Variants in KDM4D observed in about 807,000 individuals in gnomAD.
KDM4D encodes the protein lysine-specific demethylase 4D.
For missense variants in KDM4D, 427 were observed against 674.8 expected (o/e 0.63, Z 4.07); for synonymous variants, 254 against 249.1 (o/e 1.02, Z -0.19).
chr11:94,998,395 C>T lies in KDM4D; in HGVS notation c.1023C>T (p.Asp341=). The part of the protein sequence containing the change: ...ERYDLWKRGQ[D]RAVVDHMEPR... ...ATGACCTGTGGAAACGTGGGCAAGACCGGGCAGTTGTGGACCACATGGAGC... is the reference window on the plus strand; with the variant it reads ...ATGACCTGTGGAAACGTGGGCAAGATCGGGCAGTTGTGGACCACATGGAGC... The change falls in exon 3 of 3, where the codon GAC becomes GAT. Residue 341 remains aspartate, a synonymous_variant. Transcript: ENST00000335080. The surrounding 1 kb of genome is among the most constrained non-coding windows in gnomAD (Gnocchi z 6.7). 1.2e-6 allele frequency: 2 copies of T among 1,614,124 alleles called. No homozygotes were observed. The highest frequency in any genetic ancestry group is 1.7e-6 in the Non-Finnish European group (2 of 1,180,046).
chr11:94,983,514 G>A (rs1555097799), intron 2 of KDM4D, among the ~76,000 whole-genome samples: 1 of 152,074 alleles, frequency 6.6e-6, no homozygotes, highest in African/African-American at 2.4e-5. Flanking sequence ...TGGAGGTGGT[G>A]TGCTGAGATA....
chr11:94,994,333 G>A (rs1857959388), intron 2 of KDM4D, among the ~76,000 whole-genome samples: 1 of 152,156 alleles, frequency 6.6e-6, no homozygotes, highest in South Asian at 2.1e-4. Context: ...GGCTCACTGG[G>A]CCATCTAAGT....
Position 94,997,665 on chromosome 11 carries a change from T to G in KDM4D, c.293T>G (p.Val98Gly). Residue 98 changes from valine (V) to glycine (G), a missense_variant, in exon 3 of 3, where the codon GTG becomes GGG. Coordinates refer to ENST00000335080, the MANE Select transcript of KDM4D (RefSeq NM_018039.3). ...QYHKKKKAMT[V>G]GEYRHLANSK... ...CATAAAAAAAAGAAAGCCATGACTG[T>G]GGGGGAGTATCGCCATTTGGCAAAC... 2 of 1,614,166 alleles carry G rather than the reference T, an allele frequency of 1.2e-6. No individual in the cohort carries two copies. Among genetic ancestry groups the G allele is most frequent in the Non-Finnish European group, 1.7e-6 (2 of 1,180,030 alleles).
intron 2 of KDM4D, among the ~76,000 whole-genome samples, chr11:94,975,984 T>C (rs1490525257): frequency 6.6e-6 from 1 of 152,200 alleles, no homozygotes; most frequent in Non-Finnish European, 1.5e-5. Context: ...AACACCAATA[T>C]ACAATATAGT....
At position 94,977,581 on chromosome 11, in the gene KDM4D, T is replaced by C. The variant is rs587622276; in HGVS notation, c.-350+1833T>C. ...GAACCTTGGGCATCTCTACTTAAAA[T>C]TGCAACTGTTCTCCCTCTCTGTCCC... On this transcript the variant is annotated intron_variant, in intron 2 of 2. Coordinates refer to ENST00000335080, the MANE Select transcript of KDM4D (RefSeq NM_018039.3). 5.3e-5 allele frequency among the ~76,000 whole-genome samples: 8 copies of C among 152,256 alleles called. No individual in the cohort carries two copies. The South Asian group carries it at 1.0e-3, about 20-fold the overall frequency.
chr11:94,977,897 C>G (rs183165570), intron 2 of KDM4D, among the ~76,000 whole-genome samples: 4 of 151,934 alleles, frequency 2.6e-5, no homozygotes, highest in Admixed American at 2.0e-4. Context: ...AATGAATGGA[C>G]GAATGAAAGA....
At chr11:94,982,291 A>C (rs1220738190) in intron 2 of KDM4D, among the ~76,000 whole-genome samples, 1 of 151,928 alleles carries the variant, frequency 6.6e-6, no homozygotes, top group Non-Finnish European at 1.5e-5. Flanking sequence ...AGCTCGGCAG[A>C]ACTGAATTTT....
chr11:94,975,206 A>G (rs1857786974), intron 1 of KDM4D, among the ~76,000 whole-genome samples: 1 of 152,212 alleles, frequency 6.6e-6, no homozygotes, highest in Admixed American at 6.5e-5. Context: ...CTCAGGTATC[A>G]CAGTGAGGTT....
chr11:94,993,603 G>A (rs182083277), intron 2 of KDM4D, among the ~76,000 whole-genome samples: 12 of 151,260 alleles, frequency 7.9e-5, no homozygotes, highest in African/African-American at 2.9e-4. Flanking sequence ...TGTATAAGGA[G>A]ACATTGCATC....
At chr11:94,983,517 CTGAGA>C (rs1180792362) in intron 2 of KDM4D, among the ~76,000 whole-genome samples, 9 of 152,104 alleles carry the variant, frequency 5.9e-5, no homozygotes, top group Admixed American at 4.6e-4. Context: ...AGGTGGTGTG[CTGAGA>C]TAAGTTATTT....
chr11:94,974,853 T>A (rs1390839188), intron 1 of KDM4D, among the ~76,000 whole-genome samples: 2 of 152,224 alleles, frequency 1.3e-5, no homozygotes, highest in Non-Finnish European at 2.9e-5. Context: ...CTATTATATC[T>A]TCCTGCGTCA....
chr11:94,997,663 T>C lies in KDM4D; in HGVS notation c.291T>C (p.Thr97=), dbSNP rs587740933. The C allele has an allele frequency of 8.1e-6, 13 of 1,614,242 alleles. No homozygotes were observed. In the East Asian group the frequency reaches 2.0e-4, roughly 25 times the overall value. The part of the protein sequence containing the change: ...TQYHKKKKAM[T]VGEYRHLANS... ...ACCATAAAAAAAAGAAAGCCATGAC[T>C]GTGGGGGAGTATCGCCATTTGGCAA... Residue 97 remains threonine (T), a synonymous_variant, in exon 3 of 3, where the codon ACT becomes ACC. Transcript: ENST00000335080.
At position 94,998,161 on chromosome 11, in the gene KDM4D, C is replaced by A. The variant is rs782242076; in HGVS notation, c.789C>A (p.Arg263=). Residue 263 remains arginine, a synonymous_variant, in exon 3 of 3, where the codon CGC becomes CGA. Coordinates refer to ENST00000335080, the MANE Select transcript of KDM4D (RefSeq NM_018039.3). The surrounding 1 kb of genome is among the most constrained non-coding windows in gnomAD (Gnocchi z 6.7). ...VLKENGIPFN[R]ITQEAGEFMV... is the part of the protein sequence containing the mutation. Reference sequence around the variant, plus strand: ...AGGAAAATGGGATTCCCTTCAATCGCATAACTCAGGAGGCTGGAGAGTTCA... The same window carrying A: ...AGGAAAATGGGATTCCCTTCAATCGAATAACTCAGGAGGCTGGAGAGTTCA... 6.2e-7 allele frequency: 1 copy of A among 1,614,190 alleles called. No homozygotes were observed. The highest frequency in any genetic ancestry group is 1.3e-5 in the African/African-American group (1 of 75,038).
At position 94,998,887 on chromosome 11, in the gene KDM4D, C is replaced by T; in HGVS notation, c.1515C>T (p.Ser505=). ...TGATGGACAAGCCTGTACCACTGAGCCCAGGGCTCCAGCATCCTGTCAAGG... is the reference window on the plus strand; with the variant it reads ...TGATGGACAAGCCTGTACCACTGAGTCCAGGGCTCCAGCATCCTGTCAAGG... The part of the protein sequence containing the change: ...GALMDKPVPL[S]PGLQHPVKAS... Residue 505 remains serine, a synonymous_variant, in exon 3 of 3, where the codon AGC becomes AGT. Coordinates refer to ENST00000335080, the MANE Select transcript of KDM4D (RefSeq NM_018039.3). This position sits in a 1 kb window ranked among gnomAD's most constrained non-coding sequence, Gnocchi z 6.7. The T allele has an allele frequency of 6.6e-7, 1 of 1,520,460 alleles. No homozygotes were observed. The highest frequency in any genetic ancestry group is 1.3e-5 in the South Asian group (1 of 75,548). 94.2% of individuals were successfully genotyped at this position (1,520,460 alleles called of 1,614,324 possible). A position where few individuals can be genotyped will look rare whatever the true frequency, so the allele number is the denominator to read the frequency against.
At chr11:94,977,637 CCT>C (rs1555097127) in intron 2 of KDM4D, among the ~76,000 whole-genome samples, 1 of 152,092 alleles carries the variant, frequency 6.6e-6, no homozygotes, top group African/African-American at 2.4e-5. Flanking sequence ...TCTCCCTTCC[CCT>C]CTTTCTTCTT....
Position 94,983,458 on chromosome 11 carries a change from GACT to G in KDM4D, c.-350+7713_-350+7715del, listed in dbSNP as rs1404913562. On this transcript the variant is annotated intron_variant, in intron 2 of 2. Transcript: ENST00000335080. ...CATAATGGAAAAGATCAATAAATTT[GACT>G]ACATTTAATTTTTTCAAATATCAAA... Among the ~76,000 whole-genome samples, 10 of 152,132 alleles carry G rather than the reference GACT, an allele frequency of 6.6e-5. No individual in the cohort carries two copies. In the South Asian group the frequency reaches 1.2e-3, roughly 19 times the overall value.
At position 94,998,788 on chromosome 11, in the gene KDM4D, G is replaced by A. The variant is rs1555099653; in HGVS notation, c.1416G>A (p.Lys472=). 1.2e-6 allele frequency: 2 copies of A among 1,608,410 alleles called. No individual in the cohort carries two copies. The highest frequency in any genetic ancestry group is 3.3e-5 in the Admixed American group (2 of 59,718). ...AQELTLQTPA[K]RPLLAGTTCT... is the part of the protein sequence containing the mutation. ...AGCTGACCCTCCAGACTCCAGCCAA[G>A]AGGCCCCTCTTGGCGGGCACAACAT... The change falls in exon 3 of 3, where the codon AAG becomes AAA. Residue 472 remains lysine (K), a synonymous_variant. Transcript: ENST00000335080. This position sits in a 1 kb window ranked among gnomAD's most constrained non-coding sequence, Gnocchi z 6.7.
rs587683577 is a variant in KDM4D at position 94,974,029 on chromosome 11, A to C, written c.-484A>C. 2.0e-5 allele frequency: 3 copies of C among 152,398 alleles called. No homozygotes were observed. The highest frequency in any genetic ancestry group is 7.2e-5 in the African/African-American group (3 of 41,600). 9.4% of individuals were successfully genotyped at this position (152,398 alleles called of 1,614,324 possible). On this transcript the variant is annotated 5_prime_UTR_variant, in exon 1 of 3. Coordinates refer to ENST00000335080, the MANE Select transcript of KDM4D (RefSeq NM_018039.3). Reference sequence around the variant, plus strand: ...GTTTTCATTTAATTGGATATGAAGAAAGAACAAATATGTACGGGGCAACCA... The same window carrying C: ...GTTTTCATTTAATTGGATATGAAGACAGAACAAATATGTACGGGGCAACCA...
chr11:94,979,613 T>A (rs936093721), intron 2 of KDM4D, among the ~76,000 whole-genome samples: 2 of 152,234 alleles, frequency 1.3e-5, no homozygotes, highest in African/African-American at 4.8e-5. Context: ...TAAATGAATA[T>A]GTATTCCTTT....
Sources: gnomAD v4.1 joint callset for allele counts (sites outside exome capture counted in the v4.1 genomes callset) on GRCh38, gnomAD v4.1.1 for gene constraint, Gnocchi (gnomAD v3.1) non-coding constraint, MANE v1.5 for transcripts, NCBI Gene and HGNC (gene_info 2026-07-23, HGNC 2026-07-21) for gene names.